The following MACC1 variants were observed in gnomAD, a reference collection of about 807,000 sequenced individuals.
MACC1 encodes the protein metastasis-associated in colon cancer protein 1.
Under a neutral mutation model 70.7 loss-of-function variants are expected in MACC1, and 79 were observed. That is an observed-to-expected ratio of 1.12 (90% confidence interval 0.93 to 1.35). MACC1 has a LOEUF of 1.35. MACC1 is among the 40% of genes most tolerant of loss of function. MACC1 has a pLI of 0.00. For missense variants in MACC1, 1,106 were observed against 978.1 expected, an observed-to-expected ratio of 1.13 and a Z score of -1.74; for synonymous variants, 361 against 347.2, an observed-to-expected ratio of 1.04 and a Z score of -0.44.
At chr7:20,175,724 CTA>C (rs1288291809) in intron 1 of MACC1, among the ~76,000 whole-genome samples, 1 of 152,108 alleles carries the variant, frequency 6.6e-6, no homozygotes, top group Non-Finnish European at 1.5e-5. Context: ...GGCTTTTCTT[CTA>C]TTTCTCCTTC....
intron 1 of MACC1, among the ~76,000 whole-genome samples, chr7:20,177,726 T>G (rs1018149456): frequency 4.6e-5 from 7 of 151,388 alleles, no homozygotes; most frequent in Admixed American, 6.6e-5. Flanking sequence ...CTTTGTTGTT[T>G]TTTTTTTTTT....
intron 1 of MACC1, among the ~76,000 whole-genome samples, chr7:20,191,567 C>T (rs1441976673): frequency 6.6e-6 from 1 of 152,114 alleles, no homozygotes; most frequent in Admixed American, 6.5e-5. Flanking sequence ...TGGACAGGGG[C>T]TGGAACCAGG....
At chr7:20,172,780 C>A (rs900809864) in intron 1 of MACC1, among the ~76,000 whole-genome samples, 1 of 152,140 alleles carries the variant, frequency 6.6e-6, no homozygotes, top group Non-Finnish European at 1.5e-5. Context: ...TCTCCTTTTT[C>A]CTCCATCTCC....
intron 6 of MACC1, among the ~76,000 whole-genome samples, chr7:20,144,966 G>A (rs1020772811): frequency 1.3e-5 from 2 of 152,208 alleles, no homozygotes; most frequent in African/African-American, 4.8e-5. Flanking sequence ...AAGCCAAGAA[G>A]TATAATAACA....
intron 1 of MACC1, among the ~76,000 whole-genome samples, chr7:20,214,583 A>G (rs1161011726): frequency 6.6e-6 from 1 of 152,204 alleles, no homozygotes; most frequent in African/African-American, 2.4e-5. Flanking sequence ...TAAATAGGCA[A>G]TAACTATATA....
rs193217720 is a variant in MACC1, at chr7:20,138,461, G to C, written c.*2485C>G. 1 of 151,998 alleles carries C rather than the reference G, an allele frequency of 6.6e-6. No individual in the cohort carries two copies. The highest frequency in any genetic ancestry group is 2.4e-5 in the African/African-American group (1 of 41,450). 9.4% of individuals were successfully genotyped at this position (151,998 alleles called of 1,614,324 possible). On this transcript the variant is annotated 3_prime_UTR_variant, in exon 7 of 7. Coordinates refer to ENST00000400331, the MANE Select transcript of MACC1 (RefSeq NM_182762.4). ...CACTATCCCTTCCCAAAATTCTCTG[G>C]TTAGCTGACATGTTAATAAGATTCC...
intron 1 of MACC1, among the ~76,000 whole-genome samples, chr7:20,202,309 A>G (rs572331440): frequency 1.3e-5 from 2 of 152,356 alleles, no homozygotes; most frequent in East Asian, 1.9e-4. Context: ...AGAAACAGAT[A>G]CAAGATTGTG....
chr7:20,151,527 T>C (rs1398593175), intron 6 of MACC1, among the ~76,000 whole-genome samples: 1 of 152,234 alleles, frequency 6.6e-6, no homozygotes, highest in Non-Finnish European at 1.5e-5. Flanking sequence ...TTTTATGTAG[T>C]AATTACCATG....
chr7:20,155,400 ATAAC>A (rs1782041119), intron 5 of MACC1, among the ~76,000 whole-genome samples: 2 of 152,232 alleles, frequency 1.3e-5, no homozygotes, highest in Admixed American at 6.5e-5. Context: ...ATTAACAACA[ATAAC>A]TAGTAATAAA....
chr7:20,165,380 CTTCCCTAGCCAAATGGT>C (rs1782197909), intron 2 of MACC1, among the ~76,000 whole-genome samples: 1 of 152,160 alleles, frequency 6.6e-6, no homozygotes, highest in African/African-American at 2.4e-5. Flanking sequence ...CTAAAAGCTC[CTTCCCTAGCCAAATGGT>C]TTCCCTAGCC....
intron 1 of MACC1, among the ~76,000 whole-genome samples, chr7:20,196,515 TAGGTACATCC>T (rs901271198): frequency 2.6e-5 from 4 of 152,094 alleles, no homozygotes; most frequent in Non-Finnish European, 5.9e-5. Context: ...CTTTTGTAAT[TAGGTACATCC>T]AGTCACACTG....
chr7:20,210,380 G>T (rs894270522), intron 1 of MACC1, among the ~76,000 whole-genome samples: 2 of 152,058 alleles, frequency 1.3e-5, no homozygotes, highest in African/African-American at 4.8e-5. Flanking sequence ...ACAAACCTCT[G>T]GCATAGTTCT....
intron 6 of MACC1, among the ~76,000 whole-genome samples, chr7:20,144,913 G>A (rs931345247): frequency 6.6e-6 from 1 of 152,144 alleles, no homozygotes; most frequent in Non-Finnish European, 1.5e-5. Flanking sequence ...GGAGAAGCTG[G>A]AGTCAAAGAA....
intron 1 of MACC1, among the ~76,000 whole-genome samples, chr7:20,183,577 G>A (rs1307312812): frequency 6.6e-6 from 1 of 152,160 alleles, no homozygotes; most frequent in Non-Finnish European, 1.5e-5. Context: ...GGAATCTAAT[G>A]CAACAAGATG....
chr7:20,191,179 G>A (rs1421878651), intron 1 of MACC1, among the ~76,000 whole-genome samples: 4 of 152,202 alleles, frequency 2.6e-5, no homozygotes, highest in African/African-American at 4.8e-5. Flanking sequence ...AATGTTTAGA[G>A]GCTGAAAGAT....
At chr7:20,173,997 A>T (rs760248990) in intron 1 of MACC1, among the ~76,000 whole-genome samples, 16 of 152,178 alleles carry the variant, frequency 1.1e-4, no homozygotes, top group Non-Finnish European at 2.1e-4. Context: ...GGTTTCAAAG[A>T]AGTAGGTAAG....
intron 6 of MACC1, among the ~76,000 whole-genome samples, chr7:20,142,594 T>C (rs1562579154): frequency 6.6e-6 from 1 of 152,228 alleles, no homozygotes; most frequent in Non-Finnish European, 1.5e-5. Context: ...TCTATATTTC[T>C]GAAGATTTAC....
At chr7:20,201,476 G>T (rs1321445340) in intron 1 of MACC1, among the ~76,000 whole-genome samples, 1 of 152,152 alleles carries the variant, frequency 6.6e-6, no homozygotes, top group Non-Finnish European at 1.5e-5. Flanking sequence ...AGGCAAGGAT[G>T]GGGGAGGGGC....
chr7:20,192,698 T>C (rs988710899), intron 1 of MACC1, among the ~76,000 whole-genome samples: 5 of 152,234 alleles, frequency 3.3e-5, no homozygotes, highest in Admixed American at 6.5e-5. Flanking sequence ...AGTAGTTTGC[T>C]ATATAGCAAT....
Sources: allele counts gnomAD v4.1 joint callset (sites outside exome capture counted in the v4.1 genomes callset), GRCh38; gene constraint gnomAD v4.1.1; transcripts MANE v1.5; gene names NCBI Gene and HGNC (gene_info 2026-07-23, HGNC 2026-07-21).